SLC22A3: variants seen among roughly 807,000 people sequenced by gnomAD.
SLC22A3 encodes the protein EMT organic cation transporter 3.
SLC22A3 carries 51 observed loss-of-function variants against 59.1 expected under a neutral mutation model. The observed-to-expected ratio is 0.86, with a 90% CI of 0.69 to 1.09. The LOEUF is 1.09. Among genes scored for constraint, SLC22A3 ranks in the 50% least tolerant of loss-of-function variants. The pLI is 0.00. For synonymous variants in SLC22A3, 325 were observed against 292.0 expected (o/e 1.11, Z -1.15); for missense variants, 711 against 726.3 (o/e 0.98, Z 0.24).
At chr6:160,448,597 A>T (rs939172251) in intron 10 of SLC22A3, among the ~76,000 whole-genome samples, 5 of 152,170 alleles carry the variant, frequency 3.3e-5, no homozygotes, top group Admixed American at 2.6e-4. Flanking sequence ...GGGGTGTTTA[A>T]ATAGGGTATA....
intron 5 of SLC22A3, among the ~76,000 whole-genome samples, chr6:160,428,692 T>G (rs2114899257): frequency 6.6e-6 from 1 of 152,364 alleles, no homozygotes. Context: ...GCTCACATTA[T>G]ATTCTTACTG....
At chr6:160,376,242 A>G (rs931017768) in intron 1 of SLC22A3, among the ~76,000 whole-genome samples, 4 of 152,280 alleles carry the variant, frequency 2.6e-5, no homozygotes, top group Middle Eastern at 3.4e-3. Context: ...TAACACAGGA[A>G]CAGAAAACCA....
At chr6:160,381,240 T>A (rs1459858534) in intron 1 of SLC22A3, among the ~76,000 whole-genome samples, 1 of 152,218 alleles carries the variant, frequency 6.6e-6, no homozygotes, top group African/African-American at 2.4e-5. Flanking sequence ...TTTAGTAGTA[T>A]CTTATAAAGA....
At chr6:160,432,095 A>G (rs1788170395) in intron 5 of SLC22A3, among the ~76,000 whole-genome samples, 2 of 152,234 alleles carry the variant, frequency 1.3e-5, no homozygotes, top group Non-Finnish European at 2.9e-5. Flanking sequence ...AGATTTCTTC[A>G]GGAACTTCTG....
chr6:160,432,814 C>T (rs1012943230), intron 5 of SLC22A3, among the ~76,000 whole-genome samples: 2 of 152,194 alleles, frequency 1.3e-5, no homozygotes, highest in Non-Finnish European at 2.9e-5. Flanking sequence ...CACATTACCG[C>T]ATAATGGTTA....
intron 5 of SLC22A3, among the ~76,000 whole-genome samples, chr6:160,434,127 T>C (rs1468058850): frequency 6.6e-6 from 1 of 151,998 alleles, no homozygotes; most frequent in Non-Finnish European, 1.5e-5. Context: ...TGGCAACGAG[T>C]TGGTGGTGAT....
chr6:160,408,713 C>T, intron 3 of SLC22A3, 40 bp from the exon 4 acceptor site: 1 of 1,602,340 alleles, frequency 6.2e-7, no homozygotes, highest in South Asian at 1.1e-5. Flanking sequence ...TTGGAGCTGA[C>T]CTTGTGCTTC....
chr6:160,408,236 T>C (rs1787099790), intron 3 of SLC22A3, among the ~76,000 whole-genome samples: 1 of 152,180 alleles, frequency 6.6e-6, no homozygotes, highest in African/African-American at 2.4e-5. Context: ...ATCCTGTCAA[T>C]GAAAAGTATA....
intron 1 of SLC22A3, among the ~76,000 whole-genome samples, chr6:160,352,650 T>G (rs1442602099): frequency 6.6e-6 from 1 of 152,220 alleles, no homozygotes; most frequent in African/African-American, 2.4e-5. Flanking sequence ...CCAGATTACC[T>G]GGCTGAATCT....
At chr6:160,366,246 A>G (rs1785200408) in intron 1 of SLC22A3, among the ~76,000 whole-genome samples, 1 of 152,224 alleles carries the variant, frequency 6.6e-6, no homozygotes, top group African/African-American at 2.4e-5. Context: ...CCTTCAACCT[A>G]TGGGCCTGTA....
At position 160,447,713 on chromosome 6, in the gene SLC22A3, C is replaced by T. The variant is rs1788797538; in HGVS notation, c.1511-6C>T. On this transcript the variant is annotated splice_region_variant and splice_polypyrimidine_tract_variant and intron_variant, in intron 9 of 10. Coordinates refer to ENST00000275300, the MANE Select transcript of SLC22A3 (RefSeq NM_021977.4). ...GGAGCGGTAACACCTTTCCCCTATTCCATAGGTATCCTGGCATCCATCTGT... is the reference window on the plus strand; with the variant it reads ...GGAGCGGTAACACCTTTCCCCTATTTCATAGGTATCCTGGCATCCATCTGT... The T allele has an allele frequency of 6.2e-7, 1 of 1,612,686 alleles. No homozygotes were observed. The highest frequency in any genetic ancestry group is 8.5e-7 in the Non-Finnish European group (1 of 1,178,744).
Position 160,348,455 on chromosome 6 carries a change from C to A in SLC22A3, c.36C>A (p.Gly12=), listed in dbSNP as rs763967145. 11 of 1,531,766 alleles carry A rather than the reference C, an allele frequency of 7.2e-6. No homozygotes were observed. The highest frequency in any genetic ancestry group is 8.7e-6 in the Non-Finnish European group (10 of 1,143,114). The allele number at this position is 1,531,766 out of a possible 1,614,324, so 94.9% of individuals were successfully genotyped here. ...TCGACGAGGCGCTGCAGCGGGTGGG[C>A]GAGTTCGGGCGCTTCCAGAGGCGCG... is the stretch of plus-strand genomic sequence containing the variant. The part of the protein sequence containing the change: ...PSFDEALQRV[G]EFGRFQRRVF... Residue 12 remains glycine (G), a synonymous_variant, in exon 1 of 11, where the codon GGC becomes GGA. Coordinates refer to ENST00000275300, the MANE Select transcript of SLC22A3 (RefSeq NM_021977.4).
chr6:160,358,152 G>A (rs957157789), intron 1 of SLC22A3, among the ~76,000 whole-genome samples: 1 of 152,174 alleles, frequency 6.6e-6, no homozygotes, highest in African/African-American at 2.4e-5. Context: ...GTTTAGTGTA[G>A]TGTATTGCTA....
In SLC22A3 at chr6:160,355,724, A is replaced by G. The variant is rs544842267; in HGVS notation, c.429+6876A>G. Among the ~76,000 whole-genome samples the G allele has an allele frequency of 5.3e-5, 8 of 152,244 alleles. No homozygotes were observed. The South Asian group carries it at 8.3e-4, about 16-fold the overall frequency. ...GAGGCGGAGCTTGCAGTAAGCTGAG[A>G]TCGCACCACTGCACTCCAGCCTGGG... is the stretch of plus-strand genomic sequence containing the variant. On this transcript the variant is annotated intron_variant, in intron 1 of 10. Coordinates refer to ENST00000275300, the MANE Select transcript of SLC22A3 (RefSeq NM_021977.4).
At chr6:160,432,891 A>C (rs1161657533) in intron 5 of SLC22A3, among the ~76,000 whole-genome samples, 1 of 152,176 alleles carries the variant, frequency 6.6e-6, no homozygotes, top group Non-Finnish European at 1.5e-5. Context: ...TCCTTGGGTA[A>C]GGTACATAGC....
At chr6:160,408,282 T>G (rs907815636) in intron 3 of SLC22A3, among the ~76,000 whole-genome samples, 1 of 152,194 alleles carries the variant, frequency 6.6e-6, no homozygotes, top group Non-Finnish European at 1.5e-5. Context: ...ATAGAAGTTG[T>G]CTTGTGATAA....
chr6:160,394,523 C>T (rs775144555), intron 1 of SLC22A3, among the ~76,000 whole-genome samples: 1 of 152,220 alleles, frequency 6.6e-6, no homozygotes, highest in Non-Finnish European at 1.5e-5. Flanking sequence ...CCCTTCAATC[C>T]TTGGGCCTGC....
intron 5 of SLC22A3, among the ~76,000 whole-genome samples, chr6:160,431,912 G>C (rs1788164401): frequency 6.6e-6 from 1 of 152,098 alleles, no homozygotes; most frequent in Admixed American, 6.5e-5. Flanking sequence ...AGCATTCAGG[G>C]TTGGCCAGAC....
At chr6:160,372,025 G>T (rs1288912840) in intron 1 of SLC22A3, among the ~76,000 whole-genome samples, 2 of 152,014 alleles carry the variant, frequency 1.3e-5, no homozygotes, top group African/African-American at 2.4e-5. Flanking sequence ...TGATGGGGTT[G>T]TGTTTTTCTT....
Sources: gnomAD v4.1 joint callset for allele counts (sites outside exome capture counted in the v4.1 genomes callset) on GRCh38, gnomAD v4.1.1 for gene constraint, MANE v1.5 for transcripts, NCBI Gene and HGNC (gene_info 2026-07-23, HGNC 2026-07-21) for gene names.